Variants in KIF14 observed in about 807,000 individuals in gnomAD.
The protein encoded by KIF14 is kinesin family member 14.
Under a neutral mutation model 176.2 loss-of-function variants are expected in KIF14, and 98 were observed. The ratio of observed to expected loss-of-function variants is 0.56; its 90% CI spans 0.47 to 0.66. The LOEUF is 0.66. Among genes scored for constraint, KIF14 ranks in the 30% least tolerant of loss-of-function variants. The probability of loss-of-function intolerance (pLI) is 0.00; values close to 1 mark genes in which losing one functional copy is unlikely to be tolerated. For synonymous variants in KIF14, 566 were observed against 632.2 expected (o/e 0.90, Z 1.57); for missense variants, 1,751 against 1,920.4 (o/e 0.91, Z 1.65).
intron 26 of KIF14, among the ~76,000 whole-genome samples, chr1:200,560,342 G>A (rs1445172268): frequency 6.6e-6 from 1 of 152,072 alleles, no homozygotes; most frequent in Non-Finnish European, 1.5e-5. Flanking sequence ...CGCAATCTCA[G>A]CTCAACGCAA....
At position 200,598,376 on chromosome 1, in the gene KIF14, C is replaced by G; in HGVS notation, c.2410G>C (p.Val804Leu). The change falls in exon 14 of 30, where the codon GTT (valine) becomes CTT (leucine). Residue 804 changes from valine (V) to leucine (L), a missense_variant. Val to Leu is a conservative substitution (Grantham distance 32, BLOSUM62 1). Transcript: ENST00000367350. ...FQMDNHLPNL[V>L]NLNEDPQLSE... ...AGTTGTGGATCTTCATTCAGATTAACAAGGTTTGGTAAATGATTGTCCATT... is the reference window on the plus strand; with the variant it reads ...AGTTGTGGATCTTCATTCAGATTAAGAAGGTTTGGTAAATGATTGTCCATT... 1.2e-6 allele frequency: 2 copies of G among 1,611,044 alleles called. No homozygotes were observed. The highest frequency in any genetic ancestry group is 1.7e-5 in the Admixed American group (1 of 59,586).
chr1:200,610,174 G>T (rs1474442457), intron 4 of KIF14, among the ~76,000 whole-genome samples: 1 of 152,070 alleles, frequency 6.6e-6, no homozygotes, highest in Non-Finnish European at 1.5e-5. Context: ...CTTTAAAGTG[G>T]TTAATTTGAT....
In KIF14 at chr1:200,617,972, G is replaced by A. The variant is rs755724562; in HGVS notation, c.752C>T (p.Thr251Ile). ...QSKLDIKVLG[T>I]GNLYHRSIGK... ...AATACTTCTATGATACAAGTTTCCT[G>A]TTCCCAACACTTTGATATCCAACTT... The change falls in exon 2 of 30, where the codon ACA (threonine) becomes ATA (isoleucine). Residue 251 changes from threonine (T) to isoleucine (I), a missense_variant. Thr to Ile is a moderately conservative substitution (Grantham distance 89). Coordinates refer to ENST00000367350, the MANE Select transcript of KIF14 (RefSeq NM_014875.3). 1.2e-6 allele frequency: 2 copies of A among 1,614,000 alleles called. No individual in the cohort carries two copies. The highest frequency in any genetic ancestry group is 1.1e-5 in the South Asian group (1 of 91,054).
At chr1:200,561,476 T>A (rs1435246697) in intron 25 of KIF14, among the ~76,000 whole-genome samples, 1 of 151,286 alleles carries the variant, frequency 6.6e-6, no homozygotes. Context: ...GAGGTGGAGA[T>A]TGCAGTGAGC....
At chr1:200,590,677 T>C (rs183921815) in intron 16 of KIF14, among the ~76,000 whole-genome samples, 69 of 152,240 alleles carry the variant, frequency 4.5e-4, no homozygotes, top group Admixed American at 3.1e-3. Flanking sequence ...GAGTTTCAGT[T>C]TGGAATAATA....
At position 200,554,564 on chromosome 1, in the gene KIF14, G is replaced by A; in HGVS notation, c.4471C>T (p.Gln1491Ter). ...CGATTAACCATCCTCTTGAAATCTT[G>A]GTATTCAAAGTTTTCTTCTTGTACT... Reference protein sequence around the residue: ...RQVQEENFEYQDFKRMVNRAP... With the variant: ...RQVQEENFEY Residue 1491 changes from glutamine (Q) to a stop codon, truncating the protein, a stop_gained, in exon 29 of 30, where the codon CAA becomes TAA. Transcript: ENST00000367350. LOFTEE classifies it high-confidence loss of function. The A allele has an allele frequency of 6.5e-7, 1 of 1,549,320 alleles. No individual in the cohort carries two copies. The highest frequency in any genetic ancestry group is 8.9e-7 in the Non-Finnish European group (1 of 1,126,376).
At chr1:200,571,854 C>T (rs1238423288) in intron 22 of KIF14, among the ~76,000 whole-genome samples, 3 of 152,280 alleles carry the variant, frequency 2.0e-5, no homozygotes, top group Non-Finnish European at 4.4e-5. Context: ...AGTTAAACAA[C>T]GTTTAAACCC....
At chr1:200,589,463 C>T (rs541491358) in intron 17 of KIF14, 94 bp from the exon 18 acceptor site, 7 of 1,047,426 alleles carry the variant, frequency 6.7e-6, no homozygotes, top group Non-Finnish European at 9.5e-6. Context: ...AGAAATTACT[C>T]ACTAATAGAA....
At chr1:200,581,373 A>G (rs41310901) in intron 19 of KIF14, 79 bp from the exon 20 acceptor site, 1 of 641,024 alleles carries the variant, frequency 1.6e-6, no homozygotes, top group Non-Finnish European at 2.6e-6. Flanking sequence ...CAATTCCTAA[A>G]AAAAAAATCA....
intron 21 of KIF14, among the ~76,000 whole-genome samples, chr1:200,578,059 C>T (rs567869560): frequency 6.6e-6 from 1 of 150,872 alleles, no homozygotes; most frequent in Non-Finnish European, 1.5e-5. Flanking sequence ...TCTAAAAAGT[C>T]TTTTATTTGT....
At chr1:200,604,089 C>T (rs1659758956) in intron 8 of KIF14, 134 bp from the exon 9 acceptor site, 1 of 589,386 alleles carries the variant, frequency 1.7e-6, no homozygotes, top group Admixed American at 2.7e-5. Context: ...TTTTTTGAGA[C>T]AGGGTCTCAC....
intron 1 of KIF14, among the ~76,000 whole-genome samples, chr1:200,619,620 G>C (rs905191943): frequency 7.9e-5 from 12 of 152,174 alleles, no homozygotes; most frequent in African/African-American, 2.7e-4. Context: ...CAAAGTGCTG[G>C]GATTACAGGC....
Position 200,589,317 on chromosome 1 carries a change from T to C in KIF14, c.3014A>G (p.Asn1005Ser), listed in dbSNP as rs929692118. Reference sequence around the variant, plus strand: ...CTTTTCTAATTCCTCAATTTTGTGATTAGCCTTCTGGTTATTTATTTCCTG... The same window carrying C: ...CTTTTCTAATTCCTCAATTTTGTGACTAGCCTTCTGGTTATTTATTTCCTG... The part of the protein sequence containing the change: ...KMQEINNQKA[N>S]HKIEELEKAK... Residue 1005 changes from asparagine to serine, a missense_variant, in exon 18 of 30, where the codon AAT becomes AGT. Transcript: ENST00000367350. The C allele has an allele frequency of 6.2e-7, 1 of 1,611,096 alleles. No homozygotes were observed. The highest frequency in any genetic ancestry group is 2.2e-5 in the East Asian group (1 of 44,804).
chr1:200,570,781 A>G (rs1657740198), intron 22 of KIF14, among the ~76,000 whole-genome samples: 1 of 152,160 alleles, frequency 6.6e-6, no homozygotes, highest in Non-Finnish European at 1.5e-5. Context: ...TTCAAGGGGT[A>G]CATGTGCAGG....
chr1:200,603,471 G>C, intron 9 of KIF14, 130 bp from the exon 10 acceptor site: 1 of 592,344 alleles, frequency 1.7e-6, no homozygotes, highest in Non-Finnish European at 3.0e-6. Context: ...TTTTGAGACA[G>C]AGTCTCACTC....
intron 22 of KIF14, among the ~76,000 whole-genome samples, chr1:200,574,937 ATTTTTTT>A (rs35584654): frequency 9.0e-5 from 10 of 110,678 alleles, no homozygotes; most frequent in South Asian, 3.0e-4. Context: ...AGAAAGGGTA[ATTTTTTT>A]TTTTTTTTTT....
At chr1:200,601,458 T>C (rs538482788) in intron 11 of KIF14, among the ~76,000 whole-genome samples, 1 of 152,364 alleles carries the variant, frequency 6.6e-6, no homozygotes, top group South Asian at 2.1e-4. Flanking sequence ...TAGAAAGCAG[T>C]ATTTAGCATA....
At position 200,606,926 on chromosome 1, in the gene KIF14, AAAC is replaced by A; in HGVS notation, c.1555-131_1555-129del. 7 of 791,750 alleles carry A rather than the reference AAAC, an allele frequency of 8.8e-6. No individual in the cohort carries two copies. The Admixed American group carries it at 1.4e-4, about 16-fold the overall frequency. 49.0% of individuals were successfully genotyped at this position (791,750 alleles called of 1,614,324 possible). A position where few individuals can be genotyped will look rare whatever the true frequency, so the allele number is the denominator to read the frequency against. On this transcript the variant is annotated intron_variant, in intron 5 of 29. Coordinates refer to ENST00000367350, the MANE Select transcript of KIF14 (RefSeq NM_014875.3). ...TCTTTATTTTATCCAGGAAAAAAAA[AAAC>A]CACAAAAACTCTCACAAAAACAAAT...
intron 26 of KIF14, among the ~76,000 whole-genome samples, chr1:200,560,365 G>A (rs1657069298): frequency 6.6e-6 from 1 of 151,582 alleles, no homozygotes; most frequent in South Asian, 2.1e-4. Context: ...TCTGTCTCCT[G>A]GGTTCAAGTG....
Sources: allele counts gnomAD v4.1 joint callset (sites outside exome capture counted in the v4.1 genomes callset), GRCh38; gene constraint gnomAD v4.1.1; transcripts MANE v1.5; gene names NCBI Gene and HGNC (gene_info 2026-07-23, HGNC 2026-07-21).